Variants in WLS observed in about 807,000 individuals in gnomAD.
The protein encoded by WLS is protein wntless homolog.
WLS carries 23 observed loss-of-function variants against 62.8 expected under a neutral mutation model. The ratio of observed to expected loss-of-function variants is 0.37; its 90% confidence interval spans 0.26 to 0.52. WLS has a LOEUF of 0.52. WLS is among the 20% of genes least tolerant of loss of function. The pLI, the probability that WLS is intolerant of heterozygous loss-of-function variation, is 0.92. For synonymous variants in WLS, 246 were observed against 244.1 expected, an observed-to-expected ratio of 1.01 and a Z score of -0.07; for missense variants, 615 against 697.3, an observed-to-expected ratio of 0.88 and a Z score of 1.33.
At chr1:68,117,688 G>T (rs1210218180) in intron 11 of WLS, 1 of 152,260 alleles carries the variant, frequency 6.6e-6, no homozygotes, top group Non-Finnish European at 1.5e-5. Context: ...TTCCCCCGAT[G>T]GCACATTTCT....
intron 2 of WLS, among the ~76,000 whole-genome samples, chr1:68,181,671 C>T (rs1382169315): frequency 6.6e-6 from 1 of 152,218 alleles, no homozygotes; most frequent in African/African-American, 2.4e-5. Flanking sequence ...ATCTACACCA[C>T]TGATGTACAA....
At chr1:68,209,883 A>C (rs929216816) in intron 1 of WLS, among the ~76,000 whole-genome samples, 3 of 152,234 alleles carry the variant, frequency 2.0e-5, no homozygotes, top group Non-Finnish European at 4.4e-5. Context: ...ACAGCCAATA[A>C]GTGGCTGAAC....
Position 68,169,383 on chromosome 1 carries a change from C to T in WLS, c.380-10136G>A, listed in dbSNP as rs1009005888. Among the ~76,000 whole-genome samples the T allele has an allele frequency of 6.0e-4, 91 of 152,046 alleles. 6 individuals are homozygous for T. The stretch of plus-strand genomic sequence containing the variant: ...TTTTAAATAAATGAATCTGAAGTAC[C>T]ACCGAATATAGAAAAAAACCATATC... On this transcript the variant is annotated intron_variant, in intron 2 of 11. Transcript: ENST00000262348.
At chr1:68,228,338 C>T in intron 1 of WLS, 5 of 361,240 alleles carry the variant, frequency 1.4e-5, no homozygotes, top group South Asian at 1.1e-4. Flanking sequence ...AGAACAGTGA[C>T]CTGCTTTTTC....
intron 1 of WLS, among the ~76,000 whole-genome samples, chr1:68,199,033 CT>C (rs1006004740): frequency 9.9e-5 from 15 of 151,270 alleles, no homozygotes; most frequent in Non-Finnish European, 2.1e-4. Context: ...TCATTAGCCC[CT>C]ATTCCTTCCA....
chr1:68,130,470 C>T (rs971090230), intron 11 of WLS, among the ~76,000 whole-genome samples: 6 of 152,186 alleles, frequency 3.9e-5, no homozygotes, highest in African/African-American at 1.4e-4. Context: ...AGCTTATGTT[C>T]TTTCCAGAAC....
intron 11 of WLS, among the ~76,000 whole-genome samples, chr1:68,129,155 C>T (rs564525197): frequency 6.6e-6 from 1 of 152,186 alleles, no homozygotes; most frequent in South Asian, 2.1e-4. Context: ...AAAACCCTGT[C>T]TCTACTAAAA....
intron 2 of WLS, among the ~76,000 whole-genome samples, chr1:68,174,488 CATA>C (rs1647201974): frequency 1.3e-5 from 2 of 152,086 alleles, no homozygotes; most frequent in Admixed American, 1.3e-4. Flanking sequence ...TGGACAGATT[CATA>C]ATACTATAAA....
chr1:68,110,006 G>GAAAAAAAAA (rs1557445730), intron 11 of WLS, among the ~76,000 whole-genome samples: 1 of 3,410 alleles, frequency 2.9e-4, no homozygotes, highest in East Asian at 5.6e-3. Context: ...AACACAAAAA[G>GAAAAAAAAA]TAAAAAAAAA....
downstream of WLS, among the ~76,000 whole-genome samples, chr1:68,122,816 C>T (rs1422494618): frequency 6.6e-6 from 1 of 152,192 alleles, no homozygotes; most frequent in Admixed American, 6.5e-5. Context: ...TAGTGAAACT[C>T]CAACACCCAC....
chr1:68,103,226 C>T (rs1281569814), intron 11 of WLS, among the ~76,000 whole-genome samples: 1 of 152,162 alleles, frequency 6.6e-6, no homozygotes, highest in Non-Finnish European at 1.5e-5. Context: ...GCTAGGGAAA[C>T]CAGTGGGGAT....
At chr1:68,184,440 A>G (rs1269638049) in intron 2 of WLS, among the ~76,000 whole-genome samples, 1 of 152,230 alleles carries the variant, frequency 6.6e-6, no homozygotes, top group Non-Finnish European at 1.5e-5. Context: ...TGGCATGTTA[A>G]CAAAACAAAA....
intron 6 of WLS, 98 bp from the exon 7 acceptor site, chr1:68,148,758 A>G (rs990651295): frequency 2.9e-6 from 3 of 1,046,316 alleles, no homozygotes; most frequent in South Asian, 1.4e-5. Context: ...CCGACCACCT[A>G]TTGTGTATCA....
At chr1:68,201,402 G>A (rs900204873) in intron 1 of WLS, among the ~76,000 whole-genome samples, 1 of 152,172 alleles carries the variant, frequency 6.6e-6, no homozygotes, top group African/African-American at 2.4e-5. Context: ...TACTGAAATT[G>A]CTCTGAAGTT....
chr1:68,215,381 C>T (rs1390876045), intron 1 of WLS, among the ~76,000 whole-genome samples: 3 of 152,194 alleles, frequency 2.0e-5, no homozygotes, highest in South Asian at 2.1e-4. Flanking sequence ...TATCAATCAA[C>T]GAAATGTAAA....
At chr1:68,196,891 A>G (rs983735386) in intron 1 of WLS, among the ~76,000 whole-genome samples, 1 of 152,174 alleles carries the variant, frequency 6.6e-6, no homozygotes, top group Admixed American at 6.5e-5. Flanking sequence ...ACTCAGCTAA[A>G]TAGCCCACTG....
rs1164793591 is a variant in WLS at position 68,194,188 on chromosome 1, T to C, written c.146A>G (p.Lys49Arg). Residue 49 changes from lysine (K) to arginine (R), a missense_variant, in exon 2 of 12, where the codon AAA (lysine) becomes AGA (arginine). Transcript: ENST00000262348. ...ATGGTTCTTACGGGCATCCACACAT[T>C]TCACCGACATGTAGGACACTGCCGT... is the stretch of plus-strand genomic sequence containing the variant. ...PTTAVSYMSV[K>R]CVDARKNHHK... The C allele has an allele frequency of 1.2e-6, 2 of 1,614,222 alleles. No homozygotes were observed. Among genetic ancestry groups the C allele is most frequent in the Middle Eastern group, 1.6e-4 (1 of 6,062 alleles).
At position 68,232,186 on chromosome 1, in the gene WLS, G is replaced by A. The variant is rs375440866; in HGVS notation, c.106+8C>T. The A allele has an allele frequency of 1.2e-6, 2 of 1,614,016 alleles. No homozygotes were observed. The highest frequency in any genetic ancestry group is 2.2e-5 in the South Asian group (2 of 91,072). On this transcript the variant is annotated splice_region_variant and intron_variant, in intron 1 of 11. Transcript: ENST00000262348. ...AAGGGGGAAAAGTTTGCAGCTCTCC[G>A]CACTTACCAATCAAGCCTCCCACCA...
chr1:68,136,638 T>C (rs1403811324), intron 11 of WLS, among the ~76,000 whole-genome samples: 1 of 152,244 alleles, frequency 6.6e-6, no homozygotes, highest in Non-Finnish European at 1.5e-5. Flanking sequence ...TTTGACTACC[T>C]AAATTTATCA....
Sources: allele counts gnomAD v4.1 joint callset (sites outside exome capture counted in the v4.1 genomes callset), GRCh38; gene constraint gnomAD v4.1.1; transcripts MANE v1.5; gene names NCBI Gene and HGNC (gene_info 2026-07-23, HGNC 2026-07-21).